The following CELSR1 variants were observed in gnomAD, a reference collection of about 807,000 sequenced individuals.
CELSR1 encodes the protein adhesion G protein-coupled receptor C1.
In CELSR1, 110 loss-of-function variants were observed where a neutral mutation model predicts 249.1. The ratio of observed to expected loss-of-function variants is 0.44; its 90% confidence interval spans 0.38 to 0.52. The LOEUF (loss-of-function observed/expected upper bound fraction) is 0.52, where lower values mean the gene tolerates loss of function less well. CELSR1 is among the 20% of genes least tolerant of loss of function. The probability of loss-of-function intolerance (pLI) is 0.00; values close to 1 mark genes in which losing one functional copy is unlikely to be tolerated. For synonymous variants in CELSR1, 2,113 were observed against 1,900.0 expected, an observed-to-expected ratio of 1.11 and a Z score of -2.92; for missense variants, 4,109 against 4,296.4, an observed-to-expected ratio of 0.96 and a Z score of 1.22.
rs1457115802 is a variant in CELSR1, at chr22:46,395,103, C to T, written c.5844-841G>A. Among the ~76,000 whole-genome samples, 2 of 152,250 alleles carry T rather than the reference C, an allele frequency of 1.3e-5. No homozygotes were observed. The highest frequency in any genetic ancestry group is 4.8e-5 in the African/African-American group (2 of 41,460). ...TCACTTGGCGAGCAAGTATTAAGGACTGTGTACAAATCAGGGTCATAAAGA... is the reference window on the plus strand; with the variant it reads ...TCACTTGGCGAGCAAGTATTAAGGATTGTGTACAAATCAGGGTCATAAAGA... On this transcript the variant is annotated intron_variant, in intron 13 of 34. Coordinates refer to ENST00000674500, the MANE Select transcript of CELSR1 (RefSeq NM_001378328.1). The surrounding 1 kb of genome is among the most constrained non-coding windows in gnomAD (Gnocchi z 5.5).
chr22:46,536,890 G>A lies in CELSR1; in HGVS notation c.281C>T (p.Ala94Val). 8.2e-7 allele frequency: 1 copy of A among 1,223,234 alleles called. No individual in the cohort carries two copies. Among genetic ancestry groups the A allele is most frequent in the Non-Finnish European group, 1.0e-6 (1 of 977,660 alleles). The allele number at this position is 1,223,234 out of a possible 1,614,324, so 75.8% of individuals were successfully genotyped here. The change falls in exon 1 of 35, where the codon GCC (alanine) becomes GTC (valine). Residue 94 changes from alanine to valine, a missense_variant. By Grantham distance (64) the Ala-to-Val change is moderately conservative. Transcript: ENST00000674500. ...GCTCAGCGCCGTCGGGGCACTGCGGGCCACCAAGCGGACTTGCAGCGGCAG... is the reference window on the plus strand; with the variant it reads ...GCTCAGCGCCGTCGGGGCACTGCGGACCACCAAGCGGACTTGCAGCGGCAG... ...RPLPLQVRLVARSAPTALSRR... is the reference protein window; with the variant it reads ...RPLPLQVRLVVRSAPTALSRR...
At position 46,427,752 on chromosome 22, in the gene CELSR1, GGAAGGGA is replaced by G. The variant is rs574549179; in HGVS notation, c.4611+5634_4611+5640del. 2.6e-3 allele frequency among the ~76,000 whole-genome samples: 403 copies of G among 152,242 alleles called. 1 individual carries two copies. The highest frequency in any genetic ancestry group is 9.1e-3 in the African/African-American group (378 of 41,526). ...CGTGTAATTGGCACTCAATTAACATGGAAGGGAGAGAAGGAGGGAGGGAAAGGGAAGG... is the reference window on the plus strand; with the variant it reads ...CGTGTAATTGGCACTCAATTAACATGGAGAAGGAGGGAGGGAAAGGGAAGG... On this transcript the variant is annotated intron_variant, in intron 5 of 34. Transcript: ENST00000674500. The surrounding 1 kb of genome is among the most constrained non-coding windows in gnomAD (Gnocchi z 4.2).
intron 1 of CELSR1, among the ~76,000 whole-genome samples, chr22:46,524,726 A>G (rs142473501): frequency 2.9e-4 from 44 of 152,196 alleles, no homozygotes; most frequent in African/African-American, 1.0e-3. Flanking sequence ...CCTGATTACT[A>G]AGGTATCCAC....
rs938433881 is a variant in CELSR1 at position 46,535,714 on chromosome 22, C to G, written c.1457G>C (p.Arg486Pro). The G allele has an allele frequency of 1.4e-5, 22 of 1,612,642 alleles. No individual in the cohort carries two copies. The highest frequency in any genetic ancestry group is 1.6e-4 in the Middle Eastern group (1 of 6,084). Residue 486 changes from arginine (R) to proline (P), a missense_variant, in exon 1 of 35, where the codon CGG becomes CCG. This residue lies in a region of CELSR1 where 135 missense variants were observed against 190.0 expected (regional missense o/e 0.71). Coordinates refer to ENST00000674500, the MANE Select transcript of CELSR1 (RefSeq NM_001378328.1). ...AATGGCCGCGTTCTGGCCCTGGTCC[C>G]GGTCCGTGGCCTGCACTCGCAGCAC... ...TAVLRVQATD[R>P]DQGQNAAIHY...
In CELSR1 at chr22:46,446,514, C is replaced by T. The variant is rs2079822703; in HGVS notation, c.4184-7103G>A. On this transcript the variant is annotated intron_variant, in intron 2 of 34. Transcript: ENST00000674500. The surrounding 1 kb of genome is among the most constrained non-coding windows in gnomAD (Gnocchi z 5.5). The stretch of plus-strand genomic sequence containing the variant: ...GCAATGACAGGGTCTGTTTGGGGGC[C>T]AGTCTGAGACTGTCAGGCACACAGC... Among the ~76,000 whole-genome samples the T allele has an allele frequency of 6.6e-6, 1 of 152,106 alleles. No individual in the cohort carries two copies. Among genetic ancestry groups the T allele is most frequent in the Admixed American group, 6.5e-5 (1 of 15,268 alleles).
In CELSR1 at chr22:46,389,616, T is replaced by A. The variant is rs999228026; in HGVS notation, c.6346-117A>T. 9 of 1,155,992 alleles carry A rather than the reference T, an allele frequency of 7.8e-6. No individual in the cohort carries two copies. The South Asian group carries it at 9.5e-5, about 12-fold the overall frequency. The allele number at this position is 1,155,992 out of a possible 1,614,324, so 71.6% of individuals were successfully genotyped here. ...AAGTTTCCTTGTCAGAAAGGAACTT[T>A]AAAAAATCCAAAAGCCTGGCTGGGC... On this transcript the variant is annotated intron_variant, in intron 17 of 34. Coordinates refer to ENST00000674500, the MANE Select transcript of CELSR1 (RefSeq NM_001378328.1).
At chr22:46,443,308 C>T (rs903477184) in intron 2 of CELSR1, among the ~76,000 whole-genome samples, 19 of 152,214 alleles carry the variant, frequency 1.2e-4, no homozygotes, top group African/African-American at 4.3e-4. Context: ...CAGGGGGGTG[C>T]TTTCCCCTCC....
Position 46,391,176 on chromosome 22 carries a change from G to T in CELSR1, c.6250+10C>A. 6.2e-7 allele frequency: 1 copy of T among 1,609,200 alleles called. No homozygotes were observed. The highest frequency in any genetic ancestry group is 1.1e-5 in the South Asian group (1 of 90,922). On this transcript the variant is annotated intron_variant, in intron 16 of 34. Coordinates refer to ENST00000674500, the MANE Select transcript of CELSR1 (RefSeq NM_001378328.1). The surrounding 1 kb of genome is among the most constrained non-coding windows in gnomAD (Gnocchi z 4.3). ...CCTCAGTTCCCTACACACAGGCCAC[G>T]GCGACTCACCAACGGATCCCTTAGG...
At position 46,423,113 on chromosome 22, in the gene CELSR1, C is replaced by G. The variant is rs1443336330; in HGVS notation, c.4611+10280G>C. On this transcript the variant is annotated intron_variant, in intron 5 of 34. Transcript: ENST00000674500. This position sits in a 1 kb window ranked among gnomAD's most constrained non-coding sequence, Gnocchi z 5.6. Reference sequence around the variant, plus strand: ...GCCTGGAAAGCACCGTGCACTGGGACTCGCCCTCTCTGGCTGCTAGGAACC... The same window carrying G: ...GCCTGGAAAGCACCGTGCACTGGGAGTCGCCCTCTCTGGCTGCTAGGAACC... Among the ~76,000 whole-genome samples, 1 of 152,182 alleles carries G rather than the reference C, an allele frequency of 6.6e-6. No individual in the cohort carries two copies. The highest frequency in any genetic ancestry group is 1.5e-5 in the Non-Finnish European group (1 of 68,030).
At chr22:46,491,418 C>T (rs1017825794) in intron 1 of CELSR1, among the ~76,000 whole-genome samples, 1 of 151,466 alleles carries the variant, frequency 6.6e-6, no homozygotes, top group African/African-American at 2.4e-5. Flanking sequence ...CATCCACCAC[C>T]ATACCTGGCT....
At chr22:46,376,912 C>A in intron 24 of CELSR1, 149 bp downstream of exon 24, 1 of 780,326 alleles carries the variant, frequency 1.3e-6, no homozygotes, top group South Asian at 1.7e-5. Context: ...AGCCTGTGAC[C>A]AGGCACGTTC....
chr22:46,436,229 G>C lies in CELSR1; in HGVS notation c.4467C>G (p.His1489Gln). The C allele has an allele frequency of 1.9e-6, 3 of 1,614,126 alleles. No homozygotes were observed. The highest frequency in any genetic ancestry group is 2.5e-6 in the Non-Finnish European group (3 of 1,180,020). Reference protein sequence around the residue: ...LLYNGRFNEKHDFIALEIVDE... With the variant: ...LLYNGRFNEKQDFIALEIVDE... ...CCACGATCTCCAGGGCGATGAAGTC[G>C]TGCTTCTCATTGAAGCGGCCGTTGT... is the stretch of plus-strand genomic sequence containing the variant. The change falls in exon 4 of 35, where the codon CAC (histidine) becomes CAG (glutamine). Residue 1489 changes from histidine (H) to glutamine (Q), a missense_variant. This residue lies in a region of CELSR1 where 453 missense variants were observed against 492.0 expected (regional missense o/e 0.92). Coordinates refer to ENST00000674500, the MANE Select transcript of CELSR1 (RefSeq NM_001378328.1). This position sits in a 1 kb window ranked among gnomAD's most constrained non-coding sequence, Gnocchi z 5.9.
intron 1 of CELSR1, among the ~76,000 whole-genome samples, chr22:46,508,405 T>G (rs968001059): frequency 1.3e-5 from 2 of 151,280 alleles, no homozygotes; most frequent in Admixed American, 1.3e-4. Context: ...GACCGTCCCC[T>G]GCGTGGTGGT....
chr22:46,461,708 T>TATAA (rs1380636928), intron 2 of CELSR1, among the ~76,000 whole-genome samples: 1 of 152,202 alleles, frequency 6.6e-6, no homozygotes, highest in Non-Finnish European at 1.5e-5. Flanking sequence ...ATACAGTAGG[T>TATAA]ACTATCTGCG....
At chr22:46,369,382 T>C in intron 26 of CELSR1, 124 bp from the exon 27 acceptor site, 1 of 809,944 alleles carries the variant, frequency 1.2e-6, no homozygotes, top group Non-Finnish European at 2.0e-6. Flanking sequence ...ACCCGAACCC[T>C]GGCCTGTGGG....
Position 46,518,467 on chromosome 22 carries a change from G to C in CELSR1, c.3544+15160C>G, listed in dbSNP as rs1766520704. On this transcript the variant is annotated intron_variant, in intron 1 of 34. Coordinates refer to ENST00000674500, the MANE Select transcript of CELSR1 (RefSeq NM_001378328.1). This position sits in a 1 kb window ranked among gnomAD's most constrained non-coding sequence, Gnocchi z 5.2. ...GACAGACTGCAGATCCCACTGAGAA[G>C]GGAGGCCTCGGTTATCTGATTTAAC... 6.6e-6 allele frequency among the ~76,000 whole-genome samples: 1 copy of C among 152,230 alleles called. No individual in the cohort carries two copies. Among genetic ancestry groups the C allele is most frequent in the African/African-American group, 2.4e-5 (1 of 41,468 alleles).
At position 46,468,720 on chromosome 22, in the gene CELSR1, A is replaced by G. The variant is rs7289051; in HGVS notation, c.3545-4375T>C. ...GCAAAGCTAATGTGCTTAATGCCAC[A>G]GAACCACACACTTAAAAATGGTTAA... On this transcript the variant is annotated intron_variant, in intron 1 of 34. Coordinates refer to ENST00000674500, the MANE Select transcript of CELSR1 (RefSeq NM_001378328.1). This position sits in a 1 kb window ranked among gnomAD's most constrained non-coding sequence, Gnocchi z 4.5. Among the ~76,000 whole-genome samples, 3,226 of 152,304 alleles carry G rather than the reference A, an allele frequency of 0.021. 103 individuals carry two copies. Among genetic ancestry groups the G allele is most frequent in the African/African-American group, 0.058 (2,405 of 41,548 alleles).
intron 2 of CELSR1, among the ~76,000 whole-genome samples, chr22:46,439,896 T>C (rs1253104287): frequency 6.6e-6 from 1 of 152,140 alleles, no homozygotes; most frequent in Admixed American, 6.5e-5. Context: ...GGCCACCTTC[T>C]GAGCAGGCCA....
At chr22:46,383,085 G>A (rs140143613) in intron 20 of CELSR1, among the ~76,000 whole-genome samples, 279 of 152,276 alleles carry the variant, frequency 1.8e-3, no homozygotes, top group South Asian at 5.2e-3. Flanking sequence ...GATCCCCCAG[G>A]AATGGCTTGG....
Sources: allele counts gnomAD v4.1 joint callset (sites outside exome capture counted in the v4.1 genomes callset), GRCh38; gene constraint gnomAD v4.1.1; regional missense constraint gnomAD v4.1.1; non-coding constraint Gnocchi (gnomAD v3.1); transcripts MANE v1.5; gene names NCBI Gene and HGNC (gene_info 2026-07-23, HGNC 2026-07-21).